EYS: variants seen among roughly 807,000 people sequenced by gnomAD.
EYS encodes EGF-like photoreceptor maintenance factor.
EYS carries 250 observed loss-of-function variants against 282.1 expected under a neutral mutation model. The observed-to-expected ratio is 0.89, with a 90% CI of 0.80 to 0.98. The LOEUF (loss-of-function observed/expected upper bound fraction) is 0.98. Among genes scored for constraint, EYS ranks in the 50% least tolerant of loss-of-function variants. EYS has a pLI of 0.00. For synonymous variants in EYS, 1,355 were observed against 1,282.9 expected (o/e 1.06, Z -1.20); for missense variants, 4,016 against 3,709.0 (o/e 1.08, Z -2.15).
At chr6:63,852,173 A>AG (rs1772274451) in intron 36 of EYS, among the ~76,000 whole-genome samples, 1 of 150,268 alleles carries the variant, frequency 6.7e-6, no homozygotes, top group Non-Finnish European at 1.5e-5. Context: ...AAAAAAAAAA[A>AG]AAAAAAAAAA....
chr6:63,939,552 T>C (rs796411620), intron 35 of EYS, among the ~76,000 whole-genome samples: 12 of 152,308 alleles, frequency 7.9e-5, no homozygotes, highest in African/African-American at 2.9e-4. Flanking sequence ...ATTAATGTCA[T>C]TGAATATAAA....
chr6:64,467,716 C>A lies in EYS; in HGVS notation c.5645-28364G>T, dbSNP rs542859023. Among the ~76,000 whole-genome samples, 8 of 152,168 alleles carry A rather than the reference C, an allele frequency of 5.3e-5. No homozygotes were observed. In the East Asian group the frequency reaches 1.4e-3, roughly 26 times the overall value. Reference sequence around the variant, plus strand: ...ACATTACTGGGGACCTAGCCATAGGCCTGCTCTGCACACTGCTACCAGTAT... The same window carrying A: ...ACATTACTGGGGACCTAGCCATAGGACTGCTCTGCACACTGCTACCAGTAT... On this transcript the variant is annotated intron_variant, in intron 26 of 42. Coordinates refer to ENST00000503581, the MANE Select transcript of EYS (RefSeq NM_001142800.2).
intron 12 of EYS, among the ~76,000 whole-genome samples, chr6:65,176,876 TA>T (rs1765238841): frequency 6.6e-6 from 1 of 151,734 alleles, no homozygotes; most frequent in African/African-American, 2.4e-5. Flanking sequence ...TAGAACATGT[TA>T]ATTTTAAGAA....
chr6:63,789,238 A>G lies in EYS; in HGVS notation c.7412-14T>C. ...CGCCATTCAACCCTGGAATGAGAAG[A>G]CACATGGGGAATGCTCACTGAGAGG... On this transcript the variant is annotated splice_polypyrimidine_tract_variant and intron_variant, in intron 37 of 42. Transcript: ENST00000503581. The G allele has an allele frequency of 6.5e-7, 1 of 1,548,906 alleles. No homozygotes were observed. The highest frequency in any genetic ancestry group is 8.7e-7 in the Non-Finnish European group (1 of 1,145,350).
At chr6:64,497,491 CAAG>C (rs1776927112) in intron 26 of EYS, among the ~76,000 whole-genome samples, 2 of 151,976 alleles carry the variant, frequency 1.3e-5, no homozygotes, top group Non-Finnish European at 2.9e-5. Context: ...ATTGCAAGAA[CAAG>C]AAACCCACTG....
chr6:64,922,458 A>G (rs1768378340), intron 15 of EYS, among the ~76,000 whole-genome samples: 2 of 152,366 alleles, frequency 1.3e-5, no homozygotes, highest in South Asian at 4.1e-4. Context: ...TTATATAAGT[A>G]TTATTTTACC....
At chr6:64,137,081 C>T (rs1219371754) in intron 31 of EYS, among the ~76,000 whole-genome samples, 1 of 152,154 alleles carries the variant, frequency 6.6e-6, no homozygotes, top group Non-Finnish European at 1.5e-5. Context: ...GCTGCAGCTT[C>T]TACATCATCA....
intron 11 of EYS, among the ~76,000 whole-genome samples, chr6:65,317,789 C>CCTTCCTTCCTTA (rs1193023172): frequency 1.7e-4 from 4 of 22,992 alleles, no homozygotes; most frequent in East Asian, 9.0e-4. Flanking sequence ...TTCCTTCCTT[C>CCTTCCTTCCTTA]CTTCCTTCCT....
chr6:63,952,109 G>A (rs1338978123), intron 35 of EYS, among the ~76,000 whole-genome samples: 1 of 152,186 alleles, frequency 6.6e-6, no homozygotes, highest in Non-Finnish European at 1.5e-5. Context: ...CAGCACACAA[G>A]AACTTCAAAA....
chr6:65,305,306 T>C (rs1768973111), intron 11 of EYS, among the ~76,000 whole-genome samples: 1 of 152,218 alleles, frequency 6.6e-6, no homozygotes, highest in Non-Finnish European at 1.5e-5. Context: ...TTTTTCTCCT[T>C]TGTTGTATTC....
At chr6:63,723,649 T>C (rs1393144354) in intron 42 of EYS, among the ~76,000 whole-genome samples, 1 of 151,572 alleles carries the variant, frequency 6.6e-6, no homozygotes, top group Non-Finnish European at 1.5e-5. Flanking sequence ...GCTAGTATGT[T>C]CTTACGAAAA....
chr6:64,216,816 G>A (rs1765942834), intron 31 of EYS, among the ~76,000 whole-genome samples: 1 of 152,134 alleles, frequency 6.6e-6, no homozygotes, highest in Admixed American at 6.6e-5. Flanking sequence ...TTTCATGTTA[G>A]ACCTGAGCAT....
intron 11 of EYS, among the ~76,000 whole-genome samples, chr6:65,326,374 TG>T (rs1332437647): frequency 6.6e-6 from 1 of 151,368 alleles, no homozygotes; most frequent in Non-Finnish European, 1.5e-5. Flanking sequence ...AGAAATGCTA[TG>T]TATATTAAAA....
At chr6:64,791,993 AC>A (rs1454370951) in intron 22 of EYS, among the ~76,000 whole-genome samples, 1 of 151,804 alleles carries the variant, frequency 6.6e-6, no homozygotes, top group Non-Finnish European at 1.5e-5. Context: ...TGAATGAAAA[AC>A]CATCACTCAC....
intron 2 of EYS, among the ~76,000 whole-genome samples, chr6:65,513,871 A>G (rs1767006704): frequency 6.6e-6 from 1 of 152,200 alleles, no homozygotes. Flanking sequence ...TTCCCTTTGA[A>G]AACTGGCACA....
chr6:64,125,914 TTC>T (rs777341759), intron 31 of EYS, among the ~76,000 whole-genome samples: 428 of 144,054 alleles, frequency 3.0e-3, no homozygotes, highest in Non-Finnish European at 4.4e-3. Context: ...CACTATTCTC[TTC>T]TTTTTTTTTT....
chr6:64,243,599 T>C (rs1047917382), intron 30 of EYS, among the ~76,000 whole-genome samples: 1 of 152,190 alleles, frequency 6.6e-6, no homozygotes, highest in Non-Finnish European at 1.5e-5. Context: ...CTTGGACACA[T>C]GGCCAAACTC....
At chr6:63,761,623 A>G (rs967140612) in intron 41 of EYS, among the ~76,000 whole-genome samples, 1 of 152,022 alleles carries the variant, frequency 6.6e-6, no homozygotes, top group Admixed American at 6.6e-5. Context: ...ATATAGCACA[A>G]TTGGTGATTG....
At chr6:64,354,519 C>T (rs1012771177) in intron 29 of EYS, among the ~76,000 whole-genome samples, 1 of 151,502 alleles carries the variant, frequency 6.6e-6, no homozygotes, top group Non-Finnish European at 1.5e-5. Context: ...TTTCTTTCTG[C>T]TTTCACAATC....
Sources: allele counts gnomAD v4.1 joint callset (sites outside exome capture counted in the v4.1 genomes callset), GRCh38; gene constraint gnomAD v4.1.1; transcripts MANE v1.5; gene names NCBI Gene and HGNC (gene_info 2026-07-23, HGNC 2026-07-21).